Variants in LRGUK observed in about 807,000 individuals in gnomAD.
LRGUK encodes leucine rich repeats and guanylate kinase domain containing, also known as leucine-rich repeat and guanylate kinase domain-containing protein.
A neutral mutation model predicts 76.0 loss-of-function variants in LRGUK; 65 were observed. The ratio of observed to expected loss-of-function variants is 0.85; its 90% confidence interval spans 0.70 to 1.05. The LOEUF (loss-of-function observed/expected upper bound fraction) is 1.05, where lower values mean the gene tolerates loss of function less well. Among genes scored for constraint, LRGUK ranks in the 50% least tolerant of loss-of-function variants. LRGUK has a pLI of 0.00. For synonymous variants in LRGUK, 268 were observed against 265.6 expected (o/e 1.01, Z -0.09); for missense variants, 758 against 732.8 (o/e 1.03, Z -0.40).
At chr7:134,276,507 G>A in the LRGUK span, among the ~76,000 whole-genome samples, 10 of 152,206 alleles carry the variant, frequency 6.6e-5, no homozygotes, top group African/African-American at 2.2e-4. Flanking sequence ...GATGGATGGG[G>A]ACATATCATG....
At chr7:134,238,254 T>G (rs918280672) in intron 16 of LRGUK, among the ~76,000 whole-genome samples, 10 of 152,190 alleles carry the variant, frequency 6.6e-5, no homozygotes, top group African/African-American at 1.7e-4. Flanking sequence ...TCCTGAGTTC[T>G]TGTATGTGGA....
intron 6 of LRGUK, among the ~76,000 whole-genome samples, chr7:134,161,729 T>C (rs113134980): frequency 0.13 from 18,867 of 147,786 alleles, 1,537 homozygotes; most frequent in East Asian, 0.31. Context: ...CTCGCTCTGT[T>C]GCCCAGGCTG....
intron 16 of LRGUK, among the ~76,000 whole-genome samples, chr7:134,246,089 C>A (rs138038429): frequency 6.6e-6 from 1 of 152,158 alleles, no homozygotes; most frequent in Admixed American, 6.6e-5. Flanking sequence ...CCCACGTTAG[C>A]GCTCATGTGT....
chr7:134,164,109 G>A lies in LRGUK; in HGVS notation c.939+569G>A, dbSNP rs113259921. Among the ~76,000 whole-genome samples, 1,052 of 152,092 alleles carry A rather than the reference G, an allele frequency of 6.9e-3. 16 individuals are homozygous for A. Among genetic ancestry groups the A allele is most frequent in the African/African-American group, 0.023 (973 of 41,476 alleles). On this transcript the variant is annotated intron_variant, in intron 7 of 15. Transcript: ENST00000645682. Reference sequence around the variant, plus strand: ...AGAGTAGATTTTAAACATTTTTACCGCAAAAATGATTACTTTGTGATGTAA... The same window carrying A: ...AGAGTAGATTTTAAACATTTTTACCACAAAAATGATTACTTTGTGATGTAA...
chr7:134,146,241 C>G (rs1166168190), intron 4 of LRGUK, among the ~76,000 whole-genome samples: 1 of 151,898 alleles, frequency 6.6e-6, no homozygotes, highest in Non-Finnish European at 1.5e-5. Context: ...CCACTGCACT[C>G]CAGCCTGGGC....
At chr7:134,229,235 C>T (rs561797027) in intron 16 of LRGUK, among the ~76,000 whole-genome samples, 80 of 152,120 alleles carry the variant, frequency 5.3e-4, no homozygotes, top group South Asian at 1.7e-3. Context: ...TAGTGGCACA[C>T]GTCTGCAGTC....
At position 134,144,032 on chromosome 7, in the gene LRGUK, C is replaced by G. The variant is rs567753248; in HGVS notation, c.588+870C>G. Among the ~76,000 whole-genome samples the G allele has an allele frequency of 9.2e-5, 14 of 152,320 alleles. No homozygotes were observed. The East Asian group carries it at 1.7e-3, about 19-fold the overall frequency. Reference sequence around the variant, plus strand: ...TTTCAGACCTACTGATACCCAAATCCCACTGCAAGAGATTCTGATTTAAGT... The same window carrying G: ...TTTCAGACCTACTGATACCCAAATCGCACTGCAAGAGATTCTGATTTAAGT... On this transcript the variant is annotated intron_variant, in intron 4 of 15. Transcript: ENST00000645682.
At chr7:134,251,952 T>TA (rs900505187) in intron 18 of LRGUK, among the ~76,000 whole-genome samples, 8 of 152,144 alleles carry the variant, frequency 5.3e-5, no homozygotes, top group African/African-American at 1.9e-4. Flanking sequence ...TACTCTTCTC[T>TA]AGCAAGTGCT....
intron 19 of LRGUK, among the ~76,000 whole-genome samples, chr7:134,258,972 A>T (rs956107241): frequency 1.3e-5 from 2 of 152,264 alleles, no homozygotes; most frequent in South Asian, 4.1e-4. Context: ...CGGCCACATT[A>T]TCTGCAGCGG....
rs531980345 is a variant in LRGUK at position 134,203,228 on chromosome 7, A to G, written c.1843+1652A>G. ...AAAAAAAAAATGGTTAAGATAGTCA[A>G]TGTTGTGTTATGTGTATTTTGCCAC... On this transcript the variant is annotated intron_variant, in intron 15 of 15. Transcript: ENST00000645682. Among the ~76,000 whole-genome samples the G allele has an allele frequency of 5.3e-5, 8 of 152,274 alleles. No homozygotes were observed. In the East Asian group the frequency reaches 9.7e-4, roughly 18 times the overall value.
chr7:134,252,623 T>C (rs1181589092), intron 18 of LRGUK, among the ~76,000 whole-genome samples: 2 of 152,170 alleles, frequency 1.3e-5, no homozygotes, highest in African/African-American at 4.8e-5. Context: ...CTAGCTGTAG[T>C]TGACAGACAT....
chr7:134,191,179 T>C (rs890478061), intron 11 of LRGUK, among the ~76,000 whole-genome samples: 2 of 152,050 alleles, frequency 1.3e-5, no homozygotes, highest in African/African-American at 4.8e-5. Context: ...TGTGGAAATA[T>C]AAAGAGATGA....
intron 16 of LRGUK, among the ~76,000 whole-genome samples, chr7:134,226,867 A>G (rs1016000105): frequency 6.6e-6 from 1 of 152,210 alleles, no homozygotes; most frequent in Non-Finnish European, 1.5e-5. Context: ...TCAGGCCCTC[A>G]GCTGTACTTC....
At chr7:134,239,893 A>G (rs1585591742) in intron 16 of LRGUK, among the ~76,000 whole-genome samples, 1 of 152,314 alleles carries the variant, frequency 6.6e-6, no homozygotes, top group East Asian at 1.9e-4. Context: ...CTGTTCTGCA[A>G]TAGTTGCTGT....
chr7:134,134,763 G>A (rs1585412656), intron 1 of LRGUK, among the ~76,000 whole-genome samples: 1 of 152,288 alleles, frequency 6.6e-6, no homozygotes, highest in East Asian at 1.9e-4. Context: ...ATTTAGAAAA[G>A]TAAATGTGTT....
intron 17 of LRGUK, 49 bp downstream of exon 17, chr7:134,247,693 A>T: frequency 7.3e-7 from 1 of 1,363,786 alleles, no homozygotes; most frequent in Non-Finnish European, 1.0e-6. Flanking sequence ...CTAGTGTTCA[A>T]ATAGATCAAA....
intron 4 of LRGUK, among the ~76,000 whole-genome samples, chr7:134,145,850 CT>C (rs1387886453): frequency 6.6e-6 from 1 of 152,182 alleles, no homozygotes; most frequent in Non-Finnish European, 1.5e-5. Flanking sequence ...TATGTGCACT[CT>C]TTTTGTATTT....
chr7:134,230,050 T>C (rs1045607885), intron 16 of LRGUK, among the ~76,000 whole-genome samples: 1 of 151,996 alleles, frequency 6.6e-6, no homozygotes, highest in Admixed American at 6.6e-5. Context: ...ACATTAAAAC[T>C]AAGATCTCCT....
intron 10 of LRGUK, among the ~76,000 whole-genome samples, chr7:134,183,383 T>G (rs1799841454): frequency 6.6e-6 from 1 of 152,250 alleles, no homozygotes; most frequent in Non-Finnish European, 1.5e-5. Context: ...ATATTTATCT[T>G]AACTTTACAG....
Sources: allele counts gnomAD v4.1 joint callset (sites outside exome capture counted in the v4.1 genomes callset), GRCh38; gene constraint gnomAD v4.1.1; transcripts MANE v1.5; gene names NCBI Gene and HGNC (gene_info 2026-07-23, HGNC 2026-07-21).